The following TNC variants were observed in gnomAD, a reference collection of about 807,000 sequenced individuals.
TNC encodes the protein tenascin C.
In TNC, 109 loss-of-function variants were observed where a neutral mutation model predicts 202.4. The ratio of observed to expected loss-of-function variants is 0.54; its 90% CI spans 0.46 to 0.63. The LOEUF (loss-of-function observed/expected upper bound fraction) is 0.63. Among genes scored for constraint, TNC ranks in the 30% least tolerant of loss-of-function variants. The pLI, the probability that TNC is intolerant of heterozygous loss-of-function variation, is 0.00. For synonymous variants in TNC, 1,007 were observed against 1,089.7 expected (o/e 0.92, Z 1.50); for missense variants, 2,756 against 2,833.3 (o/e 0.97, Z 0.62).
chr9:115,092,538 C>T (rs1176145087), intron 1 of TNC, among the ~76,000 whole-genome samples: 2 of 151,966 alleles, frequency 1.3e-5, no homozygotes, highest in African/African-American at 2.4e-5. Context: ...GAGATGCACC[C>T]GAGTAAAATT....
intron 1 of TNC, among the ~76,000 whole-genome samples, chr9:115,114,459 C>T (rs915675216): frequency 6.6e-6 from 1 of 152,206 alleles, no homozygotes; most frequent in Non-Finnish European, 1.5e-5. Context: ...GCAGGAGTGA[C>T]CTGACTGCTA....
At chr9:115,041,603 A>G (rs1411456) in intron 18 of TNC, among the ~76,000 whole-genome samples, 119,197 of 152,206 alleles carry the variant, frequency 0.78, 47,285 homozygotes, top group African/African-American at 0.92. Flanking sequence ...CTAGTGAAGA[A>G]CTTGCACATC....
intron 11 of TNC, 127 bp from the exon 12 acceptor site, chr9:115,064,195 A>G (rs1357371321): frequency 3.3e-6 from 3 of 918,452 alleles, no homozygotes; most frequent in Non-Finnish European, 4.8e-6. Context: ...ATAAACATGC[A>G]TCATGCAACT....
At chr9:115,098,554 A>T (rs1835968480) in intron 1 of TNC, among the ~76,000 whole-genome samples, 1 of 152,204 alleles carries the variant, frequency 6.6e-6, no homozygotes, top group Admixed American at 6.5e-5. Context: ...GAAACTTCCA[A>T]CTGGCTAGAA....
intron 10 of TNC, among the ~76,000 whole-genome samples, chr9:115,068,301 T>C (rs1304740217): frequency 6.6e-6 from 1 of 152,200 alleles, no homozygotes; most frequent in Non-Finnish European, 1.5e-5. Flanking sequence ...GAAATCAGAA[T>C]TTTGAAACCC....
rs766737426 is a variant in TNC at position 115,021,283 on chromosome 9, A to AAG, written c.6496-18_6496-17dup. 3.9e-3 allele frequency: 4,251 copies of AAG among 1,095,144 alleles called. 25 individuals are homozygous for AAG. Among genetic ancestry groups the AAG allele is most frequent in the African/African-American group, 0.03 (1,919 of 63,788 alleles). 67.8% of individuals were successfully genotyped at this position (1,095,144 alleles called of 1,614,324 possible). A position where few individuals can be genotyped will look rare whatever the true frequency, so the allele number is the denominator to read the frequency against. On this transcript the variant is annotated splice_polypyrimidine_tract_variant and intron_variant, in intron 27 of 27. Coordinates refer to ENST00000350763, the MANE Select transcript of TNC (RefSeq NM_002160.4). ...AGTTAACGCCCTGTTAAAAAAAAAA[A>AAG]AGAGAGAGAGAGAGAGAGAGAGAAG...
Position 115,031,743 on chromosome 9 carries a change from A to G in TNC, c.5788-58T>C, listed in dbSNP as rs1829963439. 5 of 1,574,072 alleles carry G rather than the reference A, an allele frequency of 3.2e-6. No individual in the cohort carries two copies. In the South Asian group the frequency reaches 5.9e-5, roughly 18 times the overall value. On this transcript the variant is annotated intron_variant, in intron 22 of 27. Coordinates refer to ENST00000350763, the MANE Select transcript of TNC (RefSeq NM_002160.4). ...GGTCACAGAAATTCTCAGGGTATAG[A>G]TAAGAAGTCATTCTATTTATAAGTT...
intron 10 of TNC, among the ~76,000 whole-genome samples, chr9:115,071,805 T>C (rs1833488936): frequency 6.6e-6 from 1 of 152,196 alleles, no homozygotes; most frequent in Non-Finnish European, 1.5e-5. Context: ...TCTGATTCAT[T>C]TGTTGCCCCT....
In TNC at chr9:115,084,367, G is replaced by C. The variant is rs1209292182; in HGVS notation, c.1973C>G (p.Pro658Arg). The C allele has an allele frequency of 6.2e-7, 1 of 1,614,026 alleles. No homozygotes were observed. Among genetic ancestry groups the C allele is most frequent in the Non-Finnish European group, 8.5e-7 (1 of 1,180,034 alleles). Residue 658 changes from proline (P) to arginine (R), a missense_variant, in exon 4 of 28, where the codon CCC becomes CGC. Around this residue, in one of 2 missense-constraint regions of TNC, gnomAD observed 2,559 missense variants for 2,546.0 expected, o/e 1.01. Coordinates refer to ENST00000350763, the MANE Select transcript of TNC (RefSeq NM_002160.4). The stretch of plus-strand genomic sequence containing the variant: ...CATTTCCAGACCACCCTCGTGGGTG[G>C]GCGTGTACACGACAAGGTACTCTGT... ...RVTEYLVVYT[P>R]THEGGLEMQF...
intron 25 of TNC, among the ~76,000 whole-genome samples, 182 bp downstream of exon 25, chr9:115,029,178 T>C (rs1054865468): frequency 3.3e-5 from 5 of 152,170 alleles, no homozygotes; most frequent in African/African-American, 1.2e-4. Flanking sequence ...GGTTTACATT[T>C]TGATGATTCA....
At chr9:115,054,608 G>A (rs1041184726) in intron 15 of TNC, among the ~76,000 whole-genome samples, 4 of 152,110 alleles carry the variant, frequency 2.6e-5, no homozygotes, top group African/African-American at 9.7e-5. Flanking sequence ...CTCAAAGGGT[G>A]CAACCAAGCT....
At chr9:115,111,949 G>T (rs1222589678) in intron 1 of TNC, among the ~76,000 whole-genome samples, 9 of 152,150 alleles carry the variant, frequency 5.9e-5, no homozygotes, top group Non-Finnish European at 1.3e-4. Context: ...ATAACCTCAT[G>T]AGAGACCATG....
chr9:115,046,279 C>T, intron 17 of TNC, 131 bp downstream of exon 17: 1 of 1,071,206 alleles, frequency 9.3e-7, no homozygotes, highest in Non-Finnish European at 1.4e-6. Flanking sequence ...GTAACACAGT[C>T]TGTAATTGAA....
At position 115,076,505 on chromosome 9, in the gene TNC, A is replaced by G; in HGVS notation, c.2745T>C (p.Asn915=). ...TDNSITLEWR[N]GKAAIDSYRI... is the part of the protein sequence containing the mutation. ...TGTAACTGTCAATAGCTGCCTTGCCATTCCTCCATTCCAGGGTGATGCTGT... is the reference window on the plus strand; with the variant it reads ...TGTAACTGTCAATAGCTGCCTTGCCGTTCCTCCATTCCAGGGTGATGCTGT... Residue 915 remains asparagine, a synonymous_variant, in exon 8 of 28, where the codon AAT becomes AAC. Coordinates refer to ENST00000350763, the MANE Select transcript of TNC (RefSeq NM_002160.4). 6.2e-7 allele frequency: 1 copy of G among 1,614,158 alleles called. No homozygotes were observed. Among genetic ancestry groups the G allele is most frequent in the Non-Finnish European group, 8.5e-7 (1 of 1,180,024 alleles).
At chr9:115,042,985 G>A (rs1354781038) in intron 17 of TNC, among the ~76,000 whole-genome samples, 1 of 152,102 alleles carries the variant, frequency 6.6e-6, no homozygotes, top group Non-Finnish European at 1.5e-5. Flanking sequence ...ACAACCTCAG[G>A]CTCATCACCA....
chr9:115,021,289 G>A, intron 27 of TNC, 22 bp from the exon 28 acceptor site: 3 of 1,538,792 alleles, frequency 1.9e-6, no homozygotes, highest in Non-Finnish European at 8.9e-7. Flanking sequence ...AAAAAAGAGA[G>A]AGAGAGAGAG....
chr9:115,089,209 C>A (rs1423688664), intron 2 of TNC, among the ~76,000 whole-genome samples: 1 of 152,162 alleles, frequency 6.6e-6, no homozygotes, highest in Non-Finnish European at 1.5e-5. Context: ...TCCTGCAGAG[C>A]CGTAAGACTA....
chr9:115,102,781 G>T (rs1018233649), intron 1 of TNC, among the ~76,000 whole-genome samples: 4 of 152,306 alleles, frequency 2.6e-5, no homozygotes, highest in African/African-American at 9.6e-5. Flanking sequence ...TGAGGGCAGG[G>T]ATATATCTGA....
intron 14 of TNC, among the ~76,000 whole-genome samples, chr9:115,058,618 T>C (rs940091570): frequency 1.3e-5 from 2 of 152,242 alleles, no homozygotes; most frequent in African/African-American, 4.8e-5. Flanking sequence ...CTGTGCTTTA[T>C]GTTTCTTTAT....
Sources: gnomAD v4.1 joint callset for allele counts (sites outside exome capture counted in the v4.1 genomes callset) on GRCh38, gnomAD v4.1.1 for gene constraint, gnomAD v4.1.1 regional missense constraint, MANE v1.5 for transcripts, NCBI Gene and HGNC (gene_info 2026-07-23, HGNC 2026-07-21) for gene names.